CYP2B6: variants seen among roughly 807,000 people sequenced by gnomAD.
CYP2B6 encodes the protein cytochrome P450 2B6.
A neutral mutation model predicts 43.4 loss-of-function variants in CYP2B6; 35 were observed. The ratio of observed to expected loss-of-function variants is 0.81; its 90% CI spans 0.62 to 1.07. The LOEUF is 1.07. Ranked by LOEUF, CYP2B6 falls within the 50% of genes least tolerant of loss-of-function variation. The pLI is 0.00. For synonymous variants in CYP2B6, 239 were observed against 239.2 expected (o/e 1.00, Z 0.01); for missense variants, 624 against 632.8 (o/e 0.99, Z 0.15).
At chr19:41,007,501 C>A (rs567016974) in intron 4 of CYP2B6, 165 of 177,508 alleles carry the variant, frequency 9.3e-4, no homozygotes, top group African/African-American at 3.7e-3. Context: ...TGTTTCATTC[C>A]AGCTGGGGTG....
At chr19:41,001,784 C>T (rs143292752) in intron 1 of CYP2B6, among the ~76,000 whole-genome samples, 112 of 152,162 alleles carry the variant, frequency 7.4e-4, no homozygotes, top group African/African-American at 2.4e-3. Context: ...GAGGTCACTG[C>T]GCTTATGGAC....
At chr19:41,014,526 T>G (rs1337257901) in intron 8 of CYP2B6, among the ~76,000 whole-genome samples, 1 of 152,092 alleles carries the variant, frequency 6.6e-6, no homozygotes, top group South Asian at 2.1e-4. Flanking sequence ...AGGATGGTGC[T>G]GATCTTCTGA....
In CYP2B6 at chr19:41,018,387, T is replaced by A. The variant is rs1969403839; in HGVS notation, c.*1560T>A. ...AAATAAACATCTCTAAAGCCTGACC[T>A]CCCCACGTCAAGAGGTGATCTGTGC... On this transcript the variant is annotated 3_prime_UTR_variant, in exon 9 of 9. Coordinates refer to ENST00000324071, the MANE Select transcript of CYP2B6 (RefSeq NM_000767.5). 1 of 152,194 alleles carries A rather than the reference T, an allele frequency of 6.6e-6. No homozygotes were observed. The highest frequency in any genetic ancestry group is 6.5e-5 in the Admixed American group (1 of 15,280). 9.4% of individuals were successfully genotyped at this position (152,194 alleles called of 1,614,324 possible).
At chr19:40,996,558 T>C (rs1200670976) in intron 1 of CYP2B6, among the ~76,000 whole-genome samples, 1 of 152,178 alleles carries the variant, frequency 6.6e-6, no homozygotes, top group Non-Finnish European at 1.5e-5. Flanking sequence ...CCTGAGGTTT[T>C]TGTTGTCTTA....
intron 8 of CYP2B6, among the ~76,000 whole-genome samples, chr19:41,015,846 T>C (rs1188059025): frequency 6.7e-6 from 1 of 149,668 alleles, no homozygotes; most frequent in African/African-American, 2.4e-5. Flanking sequence ...TTAAGCCTCC[T>C]TAGCACAAGC....
chr19:41,002,472 TG>T (rs778563588), intron 1 of CYP2B6, among the ~76,000 whole-genome samples: 54 of 152,272 alleles, frequency 3.5e-4, no homozygotes, highest in South Asian at 1.4e-3. Context: ...CCCTGCACCC[TG>T]TTCTTTTCTA....
chr19:40,993,393 G>A (rs183657353), intron 1 of CYP2B6, among the ~76,000 whole-genome samples: 1 of 152,244 alleles, frequency 6.6e-6, no homozygotes, highest in African/African-American at 2.4e-5. Flanking sequence ...AAAGGTGAAT[G>A]AGAAGCAGGA....
chr19:40,995,284 TC>T (rs1968983736), intron 1 of CYP2B6, among the ~76,000 whole-genome samples: 3 of 152,178 alleles, frequency 2.0e-5, no homozygotes, highest in African/African-American at 7.2e-5. Flanking sequence ...CCTTAAGGTC[TC>T]CAACAGACAT....
In CYP2B6 at chr19:41,016,901, C is replaced by T. The variant is rs2144682121; in HGVS notation, c.*74C>T. 6.7e-7 allele frequency: 1 copy of T among 1,485,608 alleles called. No homozygotes were observed. The highest frequency in any genetic ancestry group is 9.2e-7 in the Non-Finnish European group (1 of 1,089,978). 92.0% of individuals were successfully genotyped at this position (1,485,608 alleles called of 1,614,324 possible). A position where few individuals can be genotyped will look rare whatever the true frequency, so the allele number is the denominator to read the frequency against. On this transcript the variant is annotated 3_prime_UTR_variant, in exon 9 of 9. Transcript: ENST00000324071. Reference sequence around the variant, plus strand: ...CCGCCTCTGTAGACAATGGCTCTGACTCCCCGCAACTTCCTGCCTCTGAGA... The same window carrying T: ...CCGCCTCTGTAGACAATGGCTCTGATTCCCCGCAACTTCCTGCCTCTGAGA...
At chr19:41,000,155 C>G (rs749037929) in intron 1 of CYP2B6, among the ~76,000 whole-genome samples, 2 of 152,104 alleles carry the variant, frequency 1.3e-5, no homozygotes, top group Non-Finnish European at 2.9e-5. Context: ...GGTTCCTTAG[C>G]TATTCAGGCA....
intron 6 of CYP2B6, among the ~76,000 whole-genome samples, chr19:41,011,336 C>T (rs1391600177): frequency 1.3e-5 from 2 of 152,174 alleles, no homozygotes; most frequent in African/African-American, 4.8e-5. Context: ...TTTAATTATT[C>T]ACTTGCTCTT....
At chr19:41,005,556 G>A (rs10417572) in intron 3 of CYP2B6, among the ~76,000 whole-genome samples, 10,533 of 151,984 alleles carry the variant, frequency 0.069, 1,266 homozygotes, top group African/African-American at 0.24. Flanking sequence ...TGAGGCTGGC[G>A]GATCATTTGA....
In CYP2B6 at chr19:41,016,678, C is replaced by A. The variant is rs147991149; in HGVS notation, c.1327C>A (p.Arg443Ser). 1 of 1,614,192 alleles carries A rather than the reference C, an allele frequency of 6.2e-7. No homozygotes were observed. Among genetic ancestry groups the A allele is most frequent in the Non-Finnish European group, 8.5e-7 (1 of 1,180,026 alleles). ...KRICLGEGIA[R>S]AELFLFFTTI... ...GATTTGTCTTGGTGAAGGCATCGCC[C>A]GTGCGGAATTGTTCCTCTTCTTCAC... The change falls in exon 9 of 9, where the codon CGT becomes AGT. Residue 443 changes from arginine to serine, a missense_variant. Coordinates refer to ENST00000324071, the MANE Select transcript of CYP2B6 (RefSeq NM_000767.5).
chr19:41,016,817 T>C lies in CYP2B6; in HGVS notation c.1466T>C (p.Leu489Pro). 1 of 1,613,898 alleles carries C rather than the reference T, an allele frequency of 6.2e-7. No individual in the cohort carries two copies. ...CCCCCAACATACCAGATCCGCTTCCTGCCCCGCTGAAGGGGCTGAGGGAAG... is the reference window on the plus strand; with the variant it reads ...CCCCCAACATACCAGATCCGCTTCCCGCCCCGCTGAAGGGGCTGAGGGAAG... ...KIPPTYQIRF[L>P]PR Residue 489 changes from leucine (L) to proline (P), a missense_variant, in exon 9 of 9, where the codon CTG (leucine) becomes CCG (proline). Coordinates refer to ENST00000324071, the MANE Select transcript of CYP2B6 (RefSeq NM_000767.5).
chr19:41,005,655 C>T (rs1336953670), intron 3 of CYP2B6, among the ~76,000 whole-genome samples: 1 of 151,866 alleles, frequency 6.6e-6, no homozygotes, highest in East Asian at 1.9e-4. Flanking sequence ...GTAGCACGTG[C>T]CTTTAATCCC....
chr19:41,009,673 G>A (rs1286580191), intron 5 of CYP2B6: 2 of 605,190 alleles, frequency 3.3e-6, no homozygotes, highest in Non-Finnish European at 5.8e-6. Context: ...ACTGGCTGAG[G>A]AAGGAATTCG....
intron 8 of CYP2B6, among the ~76,000 whole-genome samples, chr19:41,015,209 C>T (rs190924304): frequency 1.1e-3 from 171 of 152,072 alleles, no homozygotes; most frequent in African/African-American, 4.0e-3. Flanking sequence ...CAAAGAAATT[C>T]GAAAGGTGTC....
At chr19:41,011,795 T>G (rs945057330) in intron 6 of CYP2B6, among the ~76,000 whole-genome samples, 6 of 152,074 alleles carry the variant, frequency 3.9e-5, no homozygotes, top group Non-Finnish European at 5.9e-5. Context: ...TAATATTCAT[T>G]AGATTTCAAG....
chr19:41,002,604 G>A (rs1969111300), intron 1 of CYP2B6, among the ~76,000 whole-genome samples: 1 of 152,126 alleles, frequency 6.6e-6, no homozygotes, highest in Non-Finnish European at 1.5e-5. Context: ...CTGGAGTGCA[G>A]TGGCACTATC....
Sources: gnomAD v4.1 joint callset for allele counts (sites outside exome capture counted in the v4.1 genomes callset) on GRCh38, gnomAD v4.1.1 for gene constraint, MANE v1.5 for transcripts, NCBI Gene and HGNC (gene_info 2026-07-23, HGNC 2026-07-21) for gene names.